The following DNAH9 variants were observed in gnomAD, a reference collection of about 807,000 sequenced individuals.
DNAH9 encodes DNAH9 variant protein.
A neutral mutation model predicts 471.6 loss-of-function variants in DNAH9; 345 were observed. The observed-to-expected ratio is 0.73, with a 90% CI of 0.67 to 0.80. DNAH9 has a LOEUF of 0.80. Ranked by LOEUF, DNAH9 falls within the 30% of genes least tolerant of loss-of-function variation. DNAH9 has a pLI of 0.00. For synonymous variants in DNAH9, 2,093 were observed against 2,123.6 expected, an observed-to-expected ratio of 0.99 and a Z score of 0.40; for missense variants, 5,407 against 5,609.2, an observed-to-expected ratio of 0.96 and a Z score of 1.15.
chr17:11,914,459 C>T (rs1414931840), intron 61 of DNAH9, among the ~76,000 whole-genome samples: 2 of 152,120 alleles, frequency 1.3e-5, no homozygotes, highest in South Asian at 2.1e-4. Flanking sequence ...ATTAGTTCTA[C>T]TGTCTTTATA....
intron 50 of DNAH9, among the ~76,000 whole-genome samples, chr17:11,859,990 C>T (rs1269906960): frequency 1.3e-5 from 2 of 152,196 alleles, no homozygotes; most frequent in Admixed American, 1.3e-4. Context: ...CTTCTACTTC[C>T]CAACTTTTGT....
chr17:11,676,275 CTTTTTTTTTTTTTTT>C (rs67397847), intron 17 of DNAH9, among the ~76,000 whole-genome samples: 1 of 73,882 alleles, frequency 1.4e-5, no homozygotes, highest in African/African-American at 4.8e-5. Flanking sequence ...CATTTCTGTT[CTTTTTTTTTTTTTTT>C]TTTTTTTTTG....
chr17:11,797,583 T>G lies in DNAH9; in HGVS notation c.8224-14T>G. On this transcript the variant is annotated splice_polypyrimidine_tract_variant and intron_variant, in intron 42 of 68. Coordinates refer to ENST00000262442, the MANE Select transcript of DNAH9 (RefSeq NM_001372.4). ...TCAATAATGAGGGCCCTTATTCCTGTGTCTCATCACCAGGATATTGAAGAC... is the reference window on the plus strand; with the variant it reads ...TCAATAATGAGGGCCCTTATTCCTGGGTCTCATCACCAGGATATTGAAGAC... 1 of 1,601,796 alleles carries G rather than the reference T, an allele frequency of 6.2e-7. No homozygotes were observed. The highest frequency in any genetic ancestry group is 1.1e-5 in the South Asian group (1 of 89,712).
At chr17:11,624,011 C>G (rs1022904621) in intron 6 of DNAH9, among the ~76,000 whole-genome samples, 1 of 152,146 alleles carries the variant, frequency 6.6e-6, no homozygotes, top group African/African-American at 2.4e-5. Context: ...ATACATTGCC[C>G]AGTATTTTTC....
intron 61 of DNAH9, among the ~76,000 whole-genome samples, chr17:11,917,594 A>G (rs913142368): frequency 1.3e-5 from 2 of 151,992 alleles, no homozygotes; most frequent in African/African-American, 4.8e-5. Flanking sequence ...AAGGAGCCAC[A>G]CTTCCTTATT....
intron 10 of DNAH9, 108 bp from the exon 11 acceptor site, chr17:11,644,523 G>A (rs2073341564): frequency 2.6e-6 from 2 of 771,154 alleles, no homozygotes; most frequent in Admixed American, 2.8e-5. Context: ...GTTTGGAAAC[G>A]AGCCAAGGAG....
chr17:11,933,883 C>T lies in DNAH9; in HGVS notation c.12301C>T (p.Pro4101Ser). ...YNFLEANAKV[P>S]YDDLRYLFGE... is the part of the protein sequence containing the mutation. Reference sequence around the variant, plus strand: ...CTTTCTTTCCCCCATCACTCAGGTCCCCTATGATGATTTGCGCTACCTGTT... The same window carrying T: ...CTTTCTTTCCCCCATCACTCAGGTCTCCTATGATGATTTGCGCTACCTGTT... The change falls in exon 65 of 69, where the codon CCC becomes TCC. Residue 4101 changes from proline (P) to serine (S), a missense_variant. Physicochemically the swap from Pro to Ser is moderately conservative, Grantham distance 74. This residue lies in a region of DNAH9 where 4,636 missense variants were observed against 4,900.3 expected (regional missense o/e 0.95). Transcript: ENST00000262442. 2 of 1,611,148 alleles carry T rather than the reference C, an allele frequency of 1.2e-6. No homozygotes were observed. Among genetic ancestry groups the T allele is most frequent in the Non-Finnish European group, 1.7e-6 (2 of 1,178,314 alleles).
At chr17:11,761,616 C>T (rs902523545) in intron 35 of DNAH9, among the ~76,000 whole-genome samples, 5 of 152,182 alleles carry the variant, frequency 3.3e-5, no homozygotes, top group Non-Finnish European at 7.3e-5. Context: ...GATGCTTGCC[C>T]CTTCTCTGCT....
chr17:11,913,934 AT>A (rs1567896280), intron 61 of DNAH9, among the ~76,000 whole-genome samples: 2 of 152,202 alleles, frequency 1.3e-5, no homozygotes. Context: ...TCAAGAATGA[AT>A]GCATATTCAT....
At position 11,598,509 on chromosome 17, in the gene DNAH9, C is replaced by T. The variant is rs2072305784; in HGVS notation, c.11C>T (p.Ala4Val). The change falls in exon 1 of 69, where the codon GCG becomes GTG. Residue 4 changes from alanine (A) to valine (V), a missense_variant. Physicochemically the swap from Ala to Val is moderately conservative, Grantham distance 64. Coordinates refer to ENST00000262442, the MANE Select transcript of DNAH9 (RefSeq NM_001372.4). Reference sequence around the variant, plus strand: ...TGGAGGCCGCGCGCGATGCGGCTCGCGGAGGAGCGGGCCGCGCTCGCGGCG... The same window carrying T: ...TGGAGGCCGCGCGCGATGCGGCTCGTGGAGGAGCGGGCCGCGCTCGCGGCG... MRL[A>V]EERAALAAEN... is the part of the protein sequence containing the mutation. 4.4e-6 allele frequency: 6 copies of T among 1,349,658 alleles called. No individual in the cohort carries two copies. The highest frequency in any genetic ancestry group is 7.8e-5 in the Admixed American group (2 of 25,596). 83.6% of individuals were successfully genotyped at this position (1,349,658 alleles called of 1,614,324 possible). A position where few individuals can be genotyped will look rare whatever the true frequency, so the allele number is the denominator to read the frequency against.
At chr17:11,891,654 C>A (rs946332186) in intron 57 of DNAH9, 123 bp from the exon 58 acceptor site, 9 of 1,185,648 alleles carry the variant, frequency 7.6e-6, no homozygotes, top group Admixed American at 2.3e-5. Context: ...CATGAGCCAC[C>A]GTGCCTGGCC....
intron 48 of DNAH9, among the ~76,000 whole-genome samples, chr17:11,827,125 G>A (rs1213657456): frequency 1.3e-5 from 2 of 151,918 alleles, no homozygotes; most frequent in Non-Finnish European, 1.5e-5. Context: ...ATGCCTGGCC[G>A]AGTCCCTACT....
intron 1 of DNAH9, among the ~76,000 whole-genome samples, chr17:11,606,731 A>T (rs1335570123): frequency 6.6e-6 from 1 of 152,072 alleles, no homozygotes; most frequent in African/African-American, 2.4e-5. Flanking sequence ...GTTGCGATTA[A>T]TAGAAACCTA....
At chr17:11,729,115 C>T (rs2075212310) in intron 28 of DNAH9, among the ~76,000 whole-genome samples, 1 of 152,138 alleles carries the variant, frequency 6.6e-6, no homozygotes, top group Non-Finnish European at 1.5e-5. Flanking sequence ...CCTCTATTTG[C>T]CAGCAATATG....
At position 11,894,293 on chromosome 17, in the gene DNAH9, TA is replaced by T. The variant is rs1973155612; in HGVS notation, c.11284-80del. On this transcript the variant is annotated intron_variant, in intron 58 of 68. Coordinates refer to ENST00000262442, the MANE Select transcript of DNAH9 (RefSeq NM_001372.4). ...AACTAGTATTAGAGGCAGTAATAATTATACTGAGTGACAACCCCTAAGATTT... is the reference window on the plus strand; with the variant it reads ...AACTAGTATTAGAGGCAGTAATAATTTACTGAGTGACAACCCCTAAGATTT... 12 of 1,563,322 alleles carry T rather than the reference TA, an allele frequency of 7.7e-6. No homozygotes were observed. In the South Asian group the frequency reaches 1.1e-4, roughly 15 times the overall value.
intron 30 of DNAH9, among the ~76,000 whole-genome samples, chr17:11,744,406 T>C (rs1038226630): frequency 3.3e-5 from 5 of 152,162 alleles, no homozygotes; most frequent in African/African-American, 1.2e-4. Flanking sequence ...CCATAGAATG[T>C]GAAGGCCTCC....
At position 11,893,868 on chromosome 17, in the gene DNAH9, TAAAGTA is replaced by T. The variant is rs147129564; in HGVS notation, c.11284-501_11284-496del. On this transcript the variant is annotated intron_variant, in intron 58 of 68. Transcript: ENST00000262442. ...CGTTCTGCACATGTATCCCAGAACT[TAAAGTA>T]AAAGAAAAGAAAATAAACTACTTAT... Among the ~76,000 whole-genome samples, 811 of 152,278 alleles carry T rather than the reference TAAAGTA, an allele frequency of 5.3e-3. 10 individuals carry two copies. Among genetic ancestry groups the T allele is most frequent in the African/African-American group, 0.019 (769 of 41,554 alleles).
At chr17:11,644,250 A>G (rs2073335824) in intron 10 of DNAH9, among the ~76,000 whole-genome samples, 1 of 152,242 alleles carries the variant, frequency 6.6e-6, no homozygotes. Flanking sequence ...ATGACTGTAT[A>G]TAACATTGAT....
chr17:11,835,946 C>T (rs758732196), intron 49 of DNAH9, among the ~76,000 whole-genome samples: 4 of 152,182 alleles, frequency 2.6e-5, no homozygotes, highest in Admixed American at 6.5e-5. Flanking sequence ...GGAGCTAGCC[C>T]GCTATTTGTA....
Sources: gnomAD v4.1 joint callset for allele counts (sites outside exome capture counted in the v4.1 genomes callset) on GRCh38, gnomAD v4.1.1 for gene constraint, gnomAD v4.1.1 regional missense constraint, MANE v1.5 for transcripts, NCBI Gene and HGNC (gene_info 2026-07-23, HGNC 2026-07-21) for gene names.